ZNF292: variants seen among roughly 807,000 people sequenced by gnomAD.
The protein encoded by ZNF292 is zinc finger protein 292.
A neutral mutation model predicts 217.9 loss-of-function variants in ZNF292; 26 were observed. That is an observed-to-expected ratio of 0.12 (90% CI 0.09 to 0.17). The LOEUF (loss-of-function observed/expected upper bound fraction) is 0.17, where lower values mean the gene tolerates loss of function less well. ZNF292 is among the 10% of genes least tolerant of loss of function. The pLI, the probability that ZNF292 is intolerant of heterozygous loss-of-function variation, is 1.00. For missense variants in ZNF292, 2,904 were observed against 3,175.2 expected (o/e 0.91, Z 2.05); for synonymous variants, 1,257 against 1,124.1 (o/e 1.12, Z -2.37).
intron 1 of ZNF292, among the ~76,000 whole-genome samples, chr6:87,202,535 A>G (rs946375983): frequency 1.3e-5 from 2 of 152,164 alleles, no homozygotes; most frequent in Non-Finnish European, 1.5e-5. Context: ...ACAGTTTTGA[A>G]TAGAAGCAGT....
chr6:87,242,681 T>A (rs1328220742), intron 5 of ZNF292, among the ~76,000 whole-genome samples: 1 of 152,236 alleles, frequency 6.6e-6, no homozygotes, highest in Non-Finnish European at 1.5e-5. Context: ...TGTGATTGTA[T>A]GCTGTTTGTC....
chr6:87,233,617 T>C (rs1183986463), intron 5 of ZNF292, 90 bp downstream of exon 5: 8 of 1,521,158 alleles, frequency 5.3e-6, no homozygotes, highest in Non-Finnish European at 7.0e-6. Flanking sequence ...TTCTCTTAGA[T>C]AGCGAAGAGA....
intron 1 of ZNF292, among the ~76,000 whole-genome samples, chr6:87,175,540 TG>T (rs1308477889): frequency 6.6e-6 from 1 of 152,182 alleles, no homozygotes; most frequent in Non-Finnish European, 1.5e-5. Context: ...TGTCTCACTA[TG>T]TTGCCCAGGC....
At chr6:87,198,753 A>G (rs1322246859) in intron 1 of ZNF292, among the ~76,000 whole-genome samples, 1 of 152,252 alleles carries the variant, frequency 6.6e-6, no homozygotes, top group East Asian at 1.9e-4. Flanking sequence ...GTATTACACA[A>G]TAACTTCAAA....
chr6:87,244,874 CACAT>C (rs1774490979), intron 6 of ZNF292, among the ~76,000 whole-genome samples: 2 of 152,082 alleles, frequency 1.3e-5, no homozygotes, highest in South Asian at 4.1e-4. Flanking sequence ...TACGTACACA[CACAT>C]ATCTTGAGCT....
At chr6:87,184,786 G>A (rs1771589778) in intron 1 of ZNF292, among the ~76,000 whole-genome samples, 1 of 152,174 alleles carries the variant, frequency 6.6e-6, no homozygotes, top group Non-Finnish European at 1.5e-5. Context: ...CTCTCAGTGG[G>A]AGATTGAAAG....
chr6:87,230,509 G>A (rs182899941), intron 4 of ZNF292, among the ~76,000 whole-genome samples: 5 of 152,142 alleles, frequency 3.3e-5, no homozygotes, highest in African/African-American at 1.2e-4. Flanking sequence ...TGAGGTGGGC[G>A]GATCACGAGG....
At chr6:87,253,338 C>T (rs1467410174) in intron 7 of ZNF292, among the ~76,000 whole-genome samples, 1 of 151,220 alleles carries the variant, frequency 6.6e-6, no homozygotes, top group Non-Finnish European at 1.5e-5. Flanking sequence ...AAGCGATCCT[C>T]CTTCCTCAGC....
rs146411037 is a variant in ZNF292 at position 87,252,300 on chromosome 6, C to T, written c.1021-2350C>T. 6.9e-3 allele frequency among the ~76,000 whole-genome samples: 1,051 copies of T among 151,988 alleles called. 24 individuals carry two copies. The highest frequency in any genetic ancestry group is 0.048 in the East Asian group (249 of 5,172). On this transcript the variant is annotated intron_variant, in intron 7 of 7. Transcript: ENST00000369577. ...CTCAGTAGCTGGGATTACAGGTGCC[C>T]GCCACCACGCCTGGCTAATTTTTTG...
chr6:87,227,414 T>G (rs1375676200), intron 4 of ZNF292, among the ~76,000 whole-genome samples: 7 of 151,690 alleles, frequency 4.6e-5, no homozygotes, highest in African/African-American at 1.7e-4. Flanking sequence ...TGAATTGTGT[T>G]TTTTTAAATA....
At position 87,261,614 on chromosome 6, in the gene ZNF292, G is replaced by A; in HGVS notation, c.7985G>A (p.Cys2662Tyr). The A allele has an allele frequency of 6.2e-7, 1 of 1,611,114 alleles. No homozygotes were observed. Among genetic ancestry groups the A allele is most frequent in the Non-Finnish European group, 8.5e-7 (1 of 1,178,288 alleles). Reference protein sequence around the residue: ...VQFANPSQLQCSDNVKIVLDK... With the variant: ...VQFANPSQLQYSDNVKIVLDK... Reference sequence around the variant, plus strand: ...TTTGCCAATCCATCACAGCTTCAGTGCAGTGATAATGTAAAAATTGTTTTA... The same window carrying A: ...TTTGCCAATCCATCACAGCTTCAGTACAGTGATAATGTAAAAATTGTTTTA... Residue 2662 changes from cysteine to tyrosine, a missense_variant, in exon 8 of 8, where the codon TGC (cysteine) becomes TAC (tyrosine). By Grantham distance (194) the Cys-to-Tyr change is radical. This residue lies in a region of ZNF292 where 380 missense variants were observed against 355.3 expected (regional missense o/e 1.07). Coordinates refer to ENST00000369577, the MANE Select transcript of ZNF292 (RefSeq NM_015021.3).
Position 87,218,607 on chromosome 6 carries a change from A to G in ZNF292, c.414A>G (p.Glu138=), listed in dbSNP as rs1772906621. The stretch of plus-strand genomic sequence containing the variant: ...TTTAATATTTATAGGTAGCTCATGA[A>G]AAGCTGATGGAGAATGGCAGCTGTG... The part of the protein sequence containing the change: ...QFQTLVQVAH[E]KLMENGSCEL... The change falls in exon 4 of 8, where the codon GAA becomes GAG. Residue 138 remains glutamate, a synonymous_variant. Transcript: ENST00000369577. 1.3e-6 allele frequency: 2 copies of G among 1,547,518 alleles called. No individual in the cohort carries two copies. Among genetic ancestry groups the G allele is most frequent in the African/African-American group, 1.4e-5 (1 of 72,254 alleles).
chr6:87,248,535 G>T (rs778119595), intron 7 of ZNF292, among the ~76,000 whole-genome samples: 1 of 152,084 alleles, frequency 6.6e-6, no homozygotes, highest in African/African-American at 2.4e-5. Context: ...TTGAGCCCCA[G>T]ATTTCAAGAC....
At chr6:87,219,455 G>A (rs539023628) in intron 4 of ZNF292, among the ~76,000 whole-genome samples, 11 of 152,212 alleles carry the variant, frequency 7.2e-5, no homozygotes, top group Non-Finnish European at 1.0e-4. Context: ...AGCTTCTTCC[G>A]TCATTTATTG....
chr6:87,159,517 A>T (rs9351115), intron 1 of ZNF292, among the ~76,000 whole-genome samples: 41,795 of 107,564 alleles, frequency 0.39, 7,239 homozygotes, highest in Admixed American at 0.49. Context: ...TTTTTTTTTT[A>T]AAAAAGATGT....
Position 87,257,567 on chromosome 6 carries a change from G to T in ZNF292, c.3938G>T (p.Gly1313Val), listed in dbSNP as rs761288000. 1.3e-5 allele frequency: 21 copies of T among 1,606,380 alleles called. No individual in the cohort carries two copies. In the South Asian group the frequency reaches 2.0e-4, roughly 15 times the overall value. ...ACTAATTCCTCCTTTCTAAAGGGGG[G>T]TAATGGTGAAAATGCAGTTTTTCCT... ...GNTNSSFLKG[G>V]NGENAVFPSQ... The change falls in exon 8 of 8, where the codon GGT (glycine) becomes GTT (valine). Residue 1313 changes from glycine to valine, a missense_variant. By Grantham distance (109) the Gly-to-Val change is moderately radical. Transcript: ENST00000369577.
intron 1 of ZNF292, among the ~76,000 whole-genome samples, chr6:87,199,621 C>G (rs1331402159): frequency 6.6e-6 from 1 of 152,116 alleles, no homozygotes; most frequent in Non-Finnish European, 1.5e-5. Context: ...GTGTATGATG[C>G]AAGGTAAGCA....
intron 4 of ZNF292, among the ~76,000 whole-genome samples, chr6:87,224,907 C>CA (rs1273360155): frequency 1.3e-5 from 2 of 152,028 alleles, no homozygotes; most frequent in African/African-American, 4.8e-5. Flanking sequence ...ATGGCTATGT[C>CA]ATATGGTAAG....
intron 1 of ZNF292, among the ~76,000 whole-genome samples, chr6:87,209,341 T>TA (rs947344669): frequency 3.3e-5 from 5 of 152,104 alleles, no homozygotes; most frequent in East Asian, 1.9e-4. Flanking sequence ...TATGCCACTT[T>TA]AAAAAAAATT....
Sources: allele counts gnomAD v4.1 joint callset (sites outside exome capture counted in the v4.1 genomes callset), GRCh38; gene constraint gnomAD v4.1.1; regional missense constraint gnomAD v4.1.1; transcripts MANE v1.5; gene names NCBI Gene and HGNC (gene_info 2026-07-23, HGNC 2026-07-21).